GOLGA4: variants seen among roughly 807,000 people sequenced by gnomAD.
The protein encoded by GOLGA4 is golgin A4, also known as golgin subfamily A member 4.
GOLGA4 carries 169 observed loss-of-function variants against 265.9 expected under a neutral mutation model. The observed-to-expected ratio is 0.64, with a 90% CI of 0.56 to 0.72. The LOEUF is 0.72. GOLGA4 is among the 30% of genes least tolerant of loss of function. The pLI, the probability that GOLGA4 is intolerant of heterozygous loss-of-function variation, is 0.00. For synonymous variants in GOLGA4, 923 were observed against 855.8 expected (o/e 1.08, Z -1.37); for missense variants, 2,482 against 2,483.4 (o/e 1.00, Z 0.01).
At chr3:37,323,151 G>C (rs1239312366) in intron 13 of GOLGA4, among the ~76,000 whole-genome samples, 34 of 54,538 alleles carry the variant, frequency 6.2e-4, no homozygotes, top group African/African-American at 2.1e-3. Flanking sequence ...CAAGACAGAG[G>C]AGTCTCGCTT....
chr3:37,248,523 T>C (rs1476478401), intron 1 of GOLGA4, among the ~76,000 whole-genome samples: 1 of 152,184 alleles, frequency 6.6e-6, no homozygotes, highest in African/African-American at 2.4e-5. Context: ...CTGGGACAAA[T>C]GCTGAAGTAC....
In GOLGA4 at chr3:37,326,889, A is replaced by G. The variant is rs746845572; in HGVS notation, c.5003A>G (p.Lys1668Arg). 6.2e-7 allele frequency: 1 copy of G among 1,613,690 alleles called. No homozygotes were observed. The highest frequency in any genetic ancestry group is 8.5e-7 in the Non-Finnish European group (1 of 1,179,780). ...QMEEKEEQYK[K>R]GTESHLSELN... ...GAAGAGAAAGAAGAACAGTATAAAAAAGGTACAGAAAGCCATTTGAGTGAG... is the reference window on the plus strand; with the variant it reads ...GAAGAGAAAGAAGAACAGTATAAAAGAGGTACAGAAAGCCATTTGAGTGAG... The change falls in exon 14 of 24, where the codon AAA becomes AGA. Residue 1668 changes from lysine to arginine, a missense_variant. Physicochemically the swap from Lys to Arg is conservative, Grantham distance 26. Coordinates refer to ENST00000361924, the MANE Select transcript of GOLGA4 (RefSeq NM_002078.5).
chr3:37,316,938 A>C (rs913559669), intron 11 of GOLGA4, among the ~76,000 whole-genome samples: 2 of 151,988 alleles, frequency 1.3e-5, no homozygotes, highest in Non-Finnish European at 2.9e-5. Context: ...TTTTTTAAAC[A>C]CAAAAGACAG....
At chr3:37,243,662 C>T (rs765438568) in intron 1 of GOLGA4, 40 bp downstream of exon 1, 3 of 1,519,086 alleles carry the variant, frequency 2.0e-6, no homozygotes, top group East Asian at 2.3e-5. Flanking sequence ...TTCCGAATAC[C>T]TCTTGAACCG....
chr3:37,306,702 T>G (rs1172165331), intron 10 of GOLGA4, among the ~76,000 whole-genome samples: 1 of 152,198 alleles, frequency 6.6e-6, no homozygotes, highest in Admixed American at 6.5e-5. Flanking sequence ...CATTCAATTT[T>G]GTATGTTCTT....
chr3:37,284,527 CA>C (rs2096843136), intron 3 of GOLGA4, among the ~76,000 whole-genome samples: 1 of 152,074 alleles, frequency 6.6e-6, no homozygotes, highest in Admixed American at 6.5e-5. Flanking sequence ...GCTGAGATTA[CA>C]GGCGTGAGCC....
At chr3:37,255,596 C>A (rs1202857727) in intron 2 of GOLGA4, among the ~76,000 whole-genome samples, 1 of 152,068 alleles carries the variant, frequency 6.6e-6, no homozygotes, top group Non-Finnish European at 1.5e-5. Context: ...AAAGGCAAAA[C>A]CTTTTTTTAA....
chr3:37,349,268 G>T (rs185791473), intron 21 of GOLGA4, among the ~76,000 whole-genome samples: 263 of 152,248 alleles, frequency 1.7e-3, no homozygotes, highest in African/African-American at 6.1e-3. Context: ...CAGTAAGGAA[G>T]GGAACTGTTC....
chr3:37,355,171 A>C lies in GOLGA4; in HGVS notation c.6647A>C (p.Glu2216Ala). 6.3e-7 allele frequency: 1 copy of C among 1,590,956 alleles called. No individual in the cohort carries two copies. Among genetic ancestry groups the C allele is most frequent in the South Asian group, 1.1e-5 (1 of 90,602 alleles). The change falls in exon 22 of 24, where the codon GAA (glutamate) becomes GCA (alanine). Residue 2216 changes from glutamate to alanine, a missense_variant. Physicochemically the swap from Glu to Ala is moderately radical, Grantham distance 107. Coordinates refer to ENST00000361924, the MANE Select transcript of GOLGA4 (RefSeq NM_002078.5). ...DDQTQKILER[E>A]DARLMFTSPR... ...CAGACTCAGAAAATTTTGGAAAGAGAAGATGCTCGGCTGATGGTAAGTTCT... is the reference window on the plus strand; with the variant it reads ...CAGACTCAGAAAATTTTGGAAAGAGCAGATGCTCGGCTGATGGTAAGTTCT...
intron 21 of GOLGA4, among the ~76,000 whole-genome samples, chr3:37,349,978 T>C (rs1270548232): frequency 6.6e-6 from 1 of 152,164 alleles, no homozygotes; most frequent in African/African-American, 2.4e-5. Context: ...CCGTATACTT[T>C]CTTTTTCTTG....
intron 20 of GOLGA4, among the ~76,000 whole-genome samples, chr3:37,344,245 G>A (rs1028106029): frequency 1.3e-5 from 2 of 152,186 alleles, no homozygotes; most frequent in Non-Finnish European, 2.9e-5. Flanking sequence ...GGGATTACAG[G>A]CGCACACCAT....
intron 20 of GOLGA4, chr3:37,341,742 A>C (rs2097035052): frequency 6.6e-6 from 1 of 152,234 alleles, no homozygotes; most frequent in African/African-American, 2.4e-5. Flanking sequence ...TGGGAGAACT[A>C]TACTAAATCA....
intron 2 of GOLGA4, among the ~76,000 whole-genome samples, chr3:37,279,586 A>T (rs895501392): frequency 3.3e-5 from 5 of 152,026 alleles, no homozygotes; most frequent in Non-Finnish European, 7.4e-5. Flanking sequence ...CTGCTCTGTT[A>T]TATGAAGATT....
At chr3:37,253,289 C>T (rs1037556999) in intron 2 of GOLGA4, among the ~76,000 whole-genome samples, 1 of 151,474 alleles carries the variant, frequency 6.6e-6, no homozygotes, top group Non-Finnish European at 1.5e-5. Context: ...TTTCCCATCC[C>T]TGACAGTACC....
rs758351005 is a variant in GOLGA4 at position 37,327,037 on chromosome 3, A to G, written c.5151A>G (p.Ala1717=). The change falls in exon 14 of 24, where the codon GCA becomes GCG. Residue 1717 remains alanine (A), a synonymous_variant. Coordinates refer to ENST00000361924, the MANE Select transcript of GOLGA4 (RefSeq NM_002078.5). The part of the protein sequence containing the change: ...IVPRSAKNVA[A]YTEQEEADSQ... ...CCAGATCAGCAAAAAATGTGGCAGCATATACTGAACAAGAAGAAGCAGATT... is the reference window on the plus strand; with the variant it reads ...CCAGATCAGCAAAAAATGTGGCAGCGTATACTGAACAAGAAGAAGCAGATT... 8 of 1,613,944 alleles carry G rather than the reference A, an allele frequency of 5.0e-6. No individual in the cohort carries two copies. The highest frequency in any genetic ancestry group is 3.3e-5 in the South Asian group (3 of 91,078).
intron 7 of GOLGA4, among the ~76,000 whole-genome samples, chr3:37,297,753 G>A (rs562580922): frequency 5.9e-5 from 9 of 152,124 alleles, no homozygotes; most frequent in Non-Finnish European, 1.3e-4. Context: ...CTGGTGGGGC[G>A]TGGTGGCTCT....
chr3:37,326,830 T>C lies in GOLGA4; in HGVS notation c.4944T>C (p.Ile1648=). The C allele has an allele frequency of 6.2e-7, 1 of 1,613,610 alleles. No homozygotes were observed. Among genetic ancestry groups the C allele is most frequent in the Non-Finnish European group, 8.5e-7 (1 of 1,179,802 alleles). The change falls in exon 14 of 24, where the codon ATT becomes ATC. Residue 1648 remains isoleucine, a synonymous_variant. Coordinates refer to ENST00000361924, the MANE Select transcript of GOLGA4 (RefSeq NM_002078.5). ...AELKRKAEQK[I]AAIKKQLLSQ... is the part of the protein sequence containing the mutation. ...TGAAGAGAAAAGCTGAACAAAAAAT[T>C]GCTGCCATTAAGAAGCAGTTGTTAT...
In GOLGA4 at chr3:37,324,962, A is replaced by G. The variant is rs994547625; in HGVS notation, c.3076A>G (p.Lys1026Glu). 1.9e-6 allele frequency: 3 copies of G among 1,613,514 alleles called. No homozygotes were observed. In the African/African-American group the frequency reaches 4.0e-5, roughly 22 times the overall value. The part of the protein sequence containing the change: ...DAVSRLETNQ[K>E]EQIESLTEVH... ...AGTGTCAAGACTGGAAACAAACCAA[A>G]AAGAACAAATAGAAAGTCTTACTGA... Residue 1026 changes from lysine to glutamate, a missense_variant, in exon 14 of 24, where the codon AAA (lysine) becomes GAA (glutamate). By Grantham distance (56) the Lys-to-Glu change is moderately conservative. Around this residue, in one of 3 missense-constraint regions of GOLGA4, gnomAD observed 1,536 missense variants for 1,483.7 expected, o/e 1.04. Coordinates refer to ENST00000361924, the MANE Select transcript of GOLGA4 (RefSeq NM_002078.5).
intron 2 of GOLGA4, chr3:37,276,536 G>A: frequency 6.2e-7 from 1 of 1,601,598 alleles, no homozygotes. Context: ...CCGTAGTGCT[G>A]ATGAACCAGT....
Sources: gnomAD v4.1 joint callset for allele counts (sites outside exome capture counted in the v4.1 genomes callset) on GRCh38, gnomAD v4.1.1 for gene constraint, gnomAD v4.1.1 regional missense constraint, MANE v1.5 for transcripts, NCBI Gene and HGNC (gene_info 2026-07-23, HGNC 2026-07-21) for gene names.